Variants in UGT2A2 observed in about 807,000 individuals in gnomAD.
UGT2A2 encodes the protein UDP glucuronosyltransferase family 2 member A2, also known as UDP-glucuronosyltransferase 2A2.
In UGT2A2, 60 loss-of-function variants were observed where a neutral mutation model predicts 50.7. That is an observed-to-expected ratio of 1.18 (90% CI 0.96 to 1.47). UGT2A2 has a LOEUF of 1.47. Among genes scored for constraint, UGT2A2 ranks in the 40% most tolerant of loss-of-function variants. UGT2A2 has a pLI of 0.00. For synonymous variants in UGT2A2, 242 were observed against 214.6 expected (o/e 1.13, Z -1.11); for missense variants, 762 against 634.0 (o/e 1.20, Z -2.17).
At chr4:69,623,367 A>T (rs1012505106) in intron 1 of UGT2A2, among the ~76,000 whole-genome samples, 1 of 151,742 alleles carries the variant, frequency 6.6e-6, no homozygotes, top group African/African-American at 2.4e-5. Flanking sequence ...AATACAAGTA[A>T]TTTTTGTGAG....
chr4:69,609,728 A>G (rs574235977), intron 1 of UGT2A2, among the ~76,000 whole-genome samples: 2 of 152,246 alleles, frequency 1.3e-5, no homozygotes, highest in East Asian at 3.9e-4. Context: ...GGTGAAAATA[A>G]ATGGTTTATA....
intron 1 of UGT2A2, among the ~76,000 whole-genome samples, chr4:69,634,342 C>T (rs1721561487): frequency 1.3e-5 from 2 of 151,966 alleles, no homozygotes; most frequent in African/African-American, 4.8e-5. Flanking sequence ...AATTGGAAGG[C>T]TTAGGTGACG....
intron 1 of UGT2A2, among the ~76,000 whole-genome samples, chr4:69,624,972 A>G (rs2109943254): frequency 6.6e-6 from 1 of 151,012 alleles, no homozygotes; most frequent in South Asian, 2.1e-4. Context: ...GGTGGTCTAT[A>G]GAAGATTAAT....
rs138507009 is a variant in UGT2A2 at position 69,611,208 on chromosome 4, C to A, written c.743-11814G>T. On this transcript the variant is annotated intron_variant, in intron 1 of 5. Coordinates refer to ENST00000604629, the MANE Select transcript of UGT2A2 (RefSeq NM_001105677.2). ...TCACTCAAGCTGGAGTGCAGTGGCA[C>A]CAACACAGCTCACTGCAGTCTCGAC... 5.1e-3 allele frequency among the ~76,000 whole-genome samples: 773 copies of A among 151,540 alleles called. 10 individuals are homozygous for A. Among genetic ancestry groups the A allele is most frequent in the African/African-American group, 0.017 (708 of 41,208 alleles).
chr4:69,630,824 G>T (rs192520631), intron 1 of UGT2A2, among the ~76,000 whole-genome samples: 1 of 151,886 alleles, frequency 6.6e-6, no homozygotes, highest in Non-Finnish European at 1.5e-5. Flanking sequence ...CAAGTCTCCA[G>T]CACACCCACA....
At position 69,594,438 on chromosome 4, in the gene UGT2A2, A is replaced by C. The variant is rs1577942819; in HGVS notation, c.1331+39T>G. ...ATTTTCTGGTATTATGAATAATGTA[A>C]TTAAAGTTAGGCAAGTTTTTAGGAG... On this transcript the variant is annotated intron_variant, in intron 5 of 5. Transcript: ENST00000604629. 3 of 1,603,726 alleles carry C rather than the reference A, an allele frequency of 1.9e-6. No individual in the cohort carries two copies. The East Asian group carries it at 6.7e-5, about 36-fold the overall frequency.
At position 69,588,513 on chromosome 4, in the gene UGT2A2, C is replaced by G. The variant is rs757052507; in HGVS notation, c.*859G>C. ...ATTATGAACATTAGTGATTTTTAAG[C>G]ATAATTAATTGATGTTTTATGTAAT... On this transcript the variant is annotated 3_prime_UTR_variant, in exon 6 of 6. Coordinates refer to ENST00000604629, the MANE Select transcript of UGT2A2 (RefSeq NM_001105677.2). 4.6e-5 allele frequency: 7 copies of G among 151,850 alleles called. No homozygotes were observed. The highest frequency in any genetic ancestry group is 7.4e-5 in the Non-Finnish European group (5 of 67,948). 9.4% of individuals were successfully genotyped at this position (151,850 alleles called of 1,614,324 possible).
In UGT2A2 at chr4:69,608,922, TA is replaced by T. The variant is rs1322588760; in HGVS notation, c.743-9529del. ...TATGTTTAAAGTAAAAGCAAAACCATAGCTTCTATTAAGACAGCATAAAAAT... is the reference window on the plus strand; with the variant it reads ...TATGTTTAAAGTAAAAGCAAAACCATGCTTCTATTAAGACAGCATAAAAAT... On this transcript the variant is annotated intron_variant, in intron 1 of 5. Transcript: ENST00000604629. Among the ~76,000 whole-genome samples the T allele has an allele frequency of 7.2e-5, 11 of 152,182 alleles. No homozygotes were observed. In the South Asian group the frequency reaches 1.2e-3, roughly 17 times the overall value.
chr4:69,610,650 G>T (rs1360478702), intron 1 of UGT2A2, among the ~76,000 whole-genome samples: 1 of 152,030 alleles, frequency 6.6e-6, no homozygotes, highest in African/African-American at 2.4e-5. Context: ...TTCAAGGGTG[G>T]GTCTCTAATC....
In UGT2A2 at chr4:69,598,710, GT is replaced by G. The variant is rs4148317; in HGVS notation, c.891+535del. On this transcript the variant is annotated intron_variant, in intron 2 of 5. Coordinates refer to ENST00000604629, the MANE Select transcript of UGT2A2 (RefSeq NM_001105677.2). The stretch of plus-strand genomic sequence containing the variant: ...AACTCACCATTGTCAACTCAAAAGA[GT>G]TTTTTTTTTAACCAATTGTTTCCTA... Among the ~76,000 whole-genome samples the G allele has an allele frequency of 2.2e-3, 324 of 149,154 alleles. 2 individuals carry two copies. The highest frequency in any genetic ancestry group is 7.2e-3 in the African/African-American group (291 of 40,690).
Position 69,603,930 on chromosome 4 carries a change from T to A in UGT2A2, c.743-4536A>T, listed in dbSNP as rs1339714299. On this transcript the variant is annotated intron_variant, in intron 1 of 5. Transcript: ENST00000604629. Reference sequence around the variant, plus strand: ...TATGGGACTATGTGAAAAGACCAAATCTACGTCTGATTGGTGTACCTGAAA... The same window carrying A: ...TATGGGACTATGTGAAAAGACCAAAACTACGTCTGATTGGTGTACCTGAAA... 1.5e-5 allele frequency among the ~76,000 whole-genome samples: 2 copies of A among 136,146 alleles called. 1 individual carries two copies. Among genetic ancestry groups the A allele is most frequent in the African/African-American group, 6.0e-5 (2 of 33,556 alleles). 89.3% of individuals were successfully genotyped at this position (136,146 alleles called of 152,430 possible).
chr4:69,623,591 CAA>C (rs1720877742), intron 1 of UGT2A2, among the ~76,000 whole-genome samples: 1 of 150,826 alleles, frequency 6.6e-6, no homozygotes, highest in Non-Finnish European at 1.5e-5. Context: ...ACAAAATGTA[CAA>C]AGACATACAA....
intron 2 of UGT2A2, among the ~76,000 whole-genome samples, chr4:69,596,730 C>A (rs2109884630): frequency 6.6e-6 from 1 of 152,250 alleles, no homozygotes; most frequent in African/African-American, 2.4e-5. Context: ...CCATGTTGGC[C>A]AGGCTGGTCT....
chr4:69,627,488 G>A (rs1393412324), intron 1 of UGT2A2, among the ~76,000 whole-genome samples: 7 of 147,412 alleles, frequency 4.7e-5, no homozygotes, highest in Non-Finnish European at 4.5e-5. Context: ...AGGCAGGCAG[G>A]CATGCAGGAA....
chr4:69,622,094 A>C (rs1720788621), intron 1 of UGT2A2, among the ~76,000 whole-genome samples: 1 of 151,886 alleles, frequency 6.6e-6, no homozygotes, highest in Admixed American at 6.6e-5. Flanking sequence ...TAGTCAGTAC[A>C]ACCAACCCCT....
chr4:69,638,974 T>C lies in UGT2A2; in HGVS notation c.667A>G (p.Ile223Val), dbSNP rs767095434. Residue 223 changes from isoleucine (I) to valine (V), a missense_variant, in exon 1 of 6, where the codon ATA becomes GTA. By Grantham distance (29) the Ile-to-Val change is conservative. Transcript: ENST00000604629. ...ATATAGTCTTGCAGAGAATAAGATA[T>C]GGTATTTTTAATCCTTTCACCAAAG... Reference protein sequence around the residue: ...MTFGERIKNTISYSLQDYIFQ... With the variant: ...MTFGERIKNTVSYSLQDYIFQ... The C allele has an allele frequency of 1.3e-5, 21 of 1,612,898 alleles. No individual in the cohort carries two copies. Among genetic ancestry groups the C allele is most frequent in the South Asian group, 1.1e-4 (10 of 90,960 alleles).
intron 3 of UGT2A2, 96 bp downstream of exon 3, chr4:69,596,153 TA>T: frequency 7.4e-7 from 1 of 1,354,252 alleles, no homozygotes; most frequent in African/African-American, 1.5e-5. Flanking sequence ...ACTCAGTGTA[TA>T]ATGAGTTTTG....
rs1436579298 is a variant in UGT2A2, at chr4:69,599,336, T to C, written c.801A>G (p.Thr267=). 7 of 1,613,796 alleles carry C rather than the reference T, an allele frequency of 4.3e-6. No homozygotes were observed. Among genetic ancestry groups the C allele is most frequent in the Non-Finnish European group, 5.9e-6 (7 of 1,179,904 alleles). ...MGKAEIWLIR[T]YWDFEFPRPY... The stretch of plus-strand genomic sequence containing the variant: ...GACGAGGAAATTCAAAATCCCAATA[T>C]GTTCGGATTAACCAAATTTCAGCTT... Residue 267 remains threonine (T), a synonymous_variant, in exon 2 of 6, where the codon ACA becomes ACG. Coordinates refer to ENST00000604629, the MANE Select transcript of UGT2A2 (RefSeq NM_001105677.2).
At position 69,594,629 on chromosome 4, in the gene UGT2A2, G is replaced by A. The variant is rs371172386; in HGVS notation, c.1179C>T (p.His393=). ...GTNGIYEAIY[H]GVPMVGVPMF... ...TGGGAACTCCCACCATAGGGACTCC[G>A]TGGTAAATAGCTTCGTAGATCCCAT... Residue 393 remains histidine (H), a synonymous_variant, in exon 5 of 6, where the codon CAC becomes CAT. Coordinates refer to ENST00000604629, the MANE Select transcript of UGT2A2 (RefSeq NM_001105677.2). 52 of 1,613,976 alleles carry A rather than the reference G, an allele frequency of 3.2e-5. No homozygotes were observed. The highest frequency in any genetic ancestry group is 3.8e-5 in the Non-Finnish European group (45 of 1,180,030).
Sources: gnomAD v4.1 joint callset for allele counts (sites outside exome capture counted in the v4.1 genomes callset) on GRCh38, gnomAD v4.1.1 for gene constraint, MANE v1.5 for transcripts, NCBI Gene and HGNC (gene_info 2026-07-23, HGNC 2026-07-21) for gene names.